Variants in BMPR2 observed in about 807,000 individuals in gnomAD.
The protein encoded by BMPR2 is bone morphogenetic protein receptor type 2, also known as bone morphogenetic protein receptor type-2.
In BMPR2, 29 loss-of-function variants were observed where a neutral mutation model predicts 100.8. That is an observed-to-expected ratio of 0.29 (90% CI 0.21 to 0.39). BMPR2 has a LOEUF of 0.39. Among genes scored for constraint, BMPR2 ranks in the 10% least tolerant of loss-of-function variants. The probability of loss-of-function intolerance (pLI) is 1.00; values close to 1 mark genes in which losing one functional copy is unlikely to be tolerated. For missense variants in BMPR2, 1,011 were observed against 1,274.5 expected, an observed-to-expected ratio of 0.79 and a Z score of 3.15; for synonymous variants, 382 against 442.3, an observed-to-expected ratio of 0.86 and a Z score of 1.71.
chr2:202,458,629 C>T (rs556404152), intron 1 of BMPR2, among the ~76,000 whole-genome samples: 3 of 152,160 alleles, frequency 2.0e-5, no homozygotes, highest in Admixed American at 2.0e-4. Flanking sequence ...TAGATGATAA[C>T]CAGTGGTGAT....
At chr2:202,426,020 A>G (rs1029868192) in intron 1 of BMPR2, among the ~76,000 whole-genome samples, 1 of 152,242 alleles carries the variant, frequency 6.6e-6, no homozygotes, top group African/African-American at 2.4e-5. Flanking sequence ...TGAATAGGCA[A>G]TTCACAAAAT....
intron 10 of BMPR2, among the ~76,000 whole-genome samples, chr2:202,549,034 A>T (rs1267743300): frequency 6.6e-6 from 1 of 152,038 alleles, no homozygotes; most frequent in Non-Finnish European, 1.5e-5. Context: ...ATCTCTCCTC[A>T]ACTTTCTCTA....
At chr2:202,433,697 C>G (rs1340874147) in intron 1 of BMPR2, among the ~76,000 whole-genome samples, 1 of 150,268 alleles carries the variant, frequency 6.7e-6, no homozygotes, top group Non-Finnish European at 1.5e-5. Flanking sequence ...ATCACGAGGT[C>G]AAGAGATCAA....
intron 1 of BMPR2, among the ~76,000 whole-genome samples, chr2:202,389,526 C>CAAAA (rs781745252): frequency 1.8e-5 from 1 of 56,604 alleles, no homozygotes; most frequent in Non-Finnish European, 3.5e-5. Context: ...GATTCCATCT[C>CAAAA]AAAAAAAAAA....
chr2:202,420,301 AATTAAACTTGAGAATATCCTT>A (rs1213548122), intron 1 of BMPR2, among the ~76,000 whole-genome samples: 2 of 152,026 alleles, frequency 1.3e-5, no homozygotes, highest in African/African-American at 4.8e-5. Flanking sequence ...GCAATTACAA[AATTAAACTTGAGAATATCCTT>A]ATTAAATAAG....
intron 1 of BMPR2, among the ~76,000 whole-genome samples, chr2:202,396,771 T>G (rs142219185): frequency 3.4e-5 from 5 of 147,658 alleles, no homozygotes; most frequent in African/African-American, 1.3e-4. Context: ...GTGAATGCCT[T>G]AGAGTTATCT....
intron 3 of BMPR2, among the ~76,000 whole-genome samples, chr2:202,505,817 G>T (rs1406800504): frequency 6.6e-6 from 1 of 152,052 alleles, no homozygotes; most frequent in Non-Finnish European, 1.5e-5. Context: ...GAAATATTTT[G>T]GGAGTGTAAT....
chr2:202,384,353 G>A (rs1011182383), intron 1 of BMPR2, among the ~76,000 whole-genome samples: 4 of 152,110 alleles, frequency 2.6e-5, no homozygotes, highest in African/African-American at 4.8e-5. Context: ...ATGTGTCGAC[G>A]GTGGACTTGG....
chr2:202,501,223 G>T (rs1355725041), intron 3 of BMPR2, among the ~76,000 whole-genome samples: 3 of 152,142 alleles, frequency 2.0e-5, no homozygotes, highest in Non-Finnish European at 2.9e-5. Flanking sequence ...AACGAATACA[G>T]CCTATACTGG....
chr2:202,406,068 A>G (rs1690885441), intron 1 of BMPR2, among the ~76,000 whole-genome samples: 5 of 152,220 alleles, frequency 3.3e-5, no homozygotes. Context: ...TATTCTACCA[A>G]CATTCTACCT....
At chr2:202,549,705 C>T (rs1028761000) in intron 10 of BMPR2, among the ~76,000 whole-genome samples, 3 of 150,592 alleles carry the variant, frequency 2.0e-5, no homozygotes, top group African/African-American at 7.3e-5. Flanking sequence ...TGAGATCGCA[C>T]CACTGCAATC....
Position 202,470,201 on chromosome 2 carries a change from G to A in BMPR2, c.418+2512G>A, listed in dbSNP as rs143149129. Among the ~76,000 whole-genome samples the A allele has an allele frequency of 2.3e-3, 348 of 151,644 alleles. 5 individuals carry two copies. The highest frequency in any genetic ancestry group is 6.9e-3 in the African/African-American group (287 of 41,344). On this transcript the variant is annotated intron_variant, in intron 3 of 12. Transcript: ENST00000374580. ...TACTAAAAATACAAAAATTAGCTGGGTGTGCTGGTGCATGCCTGTAATCCC... is the reference window on the plus strand; with the variant it reads ...TACTAAAAATACAAAAATTAGCTGGATGTGCTGGTGCATGCCTGTAATCCC...
At position 202,423,545 on chromosome 2, in the gene BMPR2, G is replaced by A. The variant is rs936822569; in HGVS notation, c.77-41264G>A. ...GTGGGAGGATTGCTTGAGCCCAGGA[G>A]TTCAAGATCAGCCTAGGCACAGTGG... On this transcript the variant is annotated intron_variant, in intron 1 of 12. Coordinates refer to ENST00000374580, the MANE Select transcript of BMPR2 (RefSeq NM_001204.7). Among the ~76,000 whole-genome samples the A allele has an allele frequency of 5.3e-5, 8 of 152,130 alleles. No individual in the cohort carries two copies. The East Asian group carries it at 5.8e-4, about 11-fold the overall frequency.
chr2:202,476,067 T>A (rs1391719320), intron 3 of BMPR2, among the ~76,000 whole-genome samples: 1 of 115,466 alleles, frequency 8.7e-6, no homozygotes, highest in African/African-American at 3.5e-5. Flanking sequence ...AGAGTGAAAC[T>A]CTGTCTCAAG....
At chr2:202,461,180 A>G (rs1344448316) in intron 1 of BMPR2, among the ~76,000 whole-genome samples, 1 of 152,148 alleles carries the variant, frequency 6.6e-6, no homozygotes, top group Non-Finnish European at 1.5e-5. Flanking sequence ...TTGATTATCA[A>G]AAACACATAT....
At chr2:202,534,239 A>G (rs1688082934) in intron 9 of BMPR2, among the ~76,000 whole-genome samples, 1 of 148,578 alleles carries the variant, frequency 6.7e-6, no homozygotes, top group Non-Finnish European at 1.5e-5. Flanking sequence ...ATATATAAAT[A>G]AAATTTTTAT....
In BMPR2 at chr2:202,513,624, T is replaced by C. The variant is rs992078393; in HGVS notation, c.419-95T>C. The C allele has an allele frequency of 4.9e-6, 4 of 818,842 alleles. No individual in the cohort carries two copies. The African/African-American group carries it at 5.2e-5, about 11-fold the overall frequency. 50.7% of individuals were successfully genotyped at this position (818,842 alleles called of 1,614,324 possible). ...TGCAAAAACATTACTAATTTGATTA[T>C]ACATGGGTACAGCCTTTCTAAAGGG... On this transcript the variant is annotated intron_variant, in intron 3 of 12. Coordinates refer to ENST00000374580, the MANE Select transcript of BMPR2 (RefSeq NM_001204.7).
At chr2:202,396,563 T>C (rs1039908232) in intron 1 of BMPR2, among the ~76,000 whole-genome samples, 5 of 152,066 alleles carry the variant, frequency 3.3e-5, no homozygotes, top group African/African-American at 1.2e-4. Context: ...CTATTTTGTT[T>C]GGCTGCAAAA....
intron 1 of BMPR2, among the ~76,000 whole-genome samples, chr2:202,425,701 AAAAT>A (rs1691370851): frequency 6.6e-6 from 1 of 152,224 alleles, no homozygotes; most frequent in Non-Finnish European, 1.5e-5. Flanking sequence ...AACATCTGAA[AAAAT>A]AAATCTTATT....
Sources: gnomAD v4.1 joint callset for allele counts (sites outside exome capture counted in the v4.1 genomes callset) on GRCh38, gnomAD v4.1.1 for gene constraint, MANE v1.5 for transcripts, NCBI Gene and HGNC (gene_info 2026-07-23, HGNC 2026-07-21) for gene names.